RGS3: variants seen among roughly 807,000 people sequenced by gnomAD.
RGS3 encodes the protein regulator of G-protein signalling 3.
RGS3 carries 80 observed loss-of-function variants against 132.6 expected under a neutral mutation model. The observed-to-expected ratio is 0.60, with a 90% CI of 0.50 to 0.73. The LOEUF (loss-of-function observed/expected upper bound fraction) is 0.73. Among genes scored for constraint, RGS3 ranks in the 30% least tolerant of loss-of-function variants. RGS3 has a pLI of 0.00. For synonymous variants in RGS3, 598 were observed against 620.6 expected (o/e 0.96, Z 0.54); for missense variants, 1,382 against 1,530.8 (o/e 0.90, Z 1.62).
Position 113,541,054 on chromosome 9 carries a change from A to C in RGS3, c.2037+4136A>C, listed in dbSNP as rs1832881865. On this transcript the variant is annotated intron_variant, in intron 19 of 24. Coordinates refer to ENST00000350696, the Ensembl canonical transcript of RGS3. ...TCGGAGCACATATGACAACTGCTCC[A>C]TGTCACTTCCTGGTAGACATCTGCC... Among the ~76,000 whole-genome samples, 4 of 152,212 alleles carry C rather than the reference A, an allele frequency of 2.6e-5. No homozygotes were observed. In the South Asian group the frequency reaches 8.3e-4, roughly 31 times the overall value.
At chr9:113,445,712 C>T (rs553286525) in intron 1 of RGS3, among the ~76,000 whole-genome samples, 1 of 152,138 alleles carries the variant, frequency 6.6e-6, no homozygotes, top group Admixed American at 6.5e-5. Context: ...AGACTCTCCC[C>T]CTGTTGCCCA....
intron 7 of RGS3, among the ~76,000 whole-genome samples, chr9:113,493,701 T>A (rs1830593144): frequency 6.6e-6 from 1 of 152,148 alleles, no homozygotes; most frequent in Non-Finnish European, 1.5e-5. Context: ...AGTGGGTGCT[T>A]GGCAGGATAC....
chr9:113,474,596 C>T lies in RGS3; in HGVS notation c.416-4895C>T, dbSNP rs149018865. ...CCTGCGAGGAAGACTTGAGTACAGA[C>T]GTGTCCTCATAAACGGAGGGGAAAT... On this transcript the variant is annotated intron_variant, in intron 3 of 24. Coordinates refer to ENST00000350696, the Ensembl canonical transcript of RGS3. Among the ~76,000 whole-genome samples, 29 of 152,258 alleles carry T rather than the reference C, an allele frequency of 1.9e-4. No individual in the cohort carries two copies. In the East Asian group the frequency reaches 3.1e-3, roughly 16 times the overall value.
chr9:113,512,215 A>G (rs1212897644), intron 14 of RGS3, among the ~76,000 whole-genome samples: 1 of 152,174 alleles, frequency 6.6e-6, no homozygotes, highest in East Asian at 1.9e-4. Flanking sequence ...TATCCAACTC[A>G]AATTCAGTGA....
intron 5 of RGS3, among the ~76,000 whole-genome samples, chr9:113,483,557 A>G (rs1203174048): frequency 6.6e-6 from 1 of 152,134 alleles, no homozygotes; most frequent in Non-Finnish European, 1.5e-5. Flanking sequence ...CAGGGTCCTT[A>G]TAGGGGTGGG....
At chr9:113,483,995 G>C (rs1235561157) in intron 5 of RGS3, 143 bp from the exon 4 acceptor site, 1 of 523,736 alleles carries the variant, frequency 1.9e-6, no homozygotes, top group African/African-American at 1.9e-5. Flanking sequence ...TGCAGCATCT[G>C]ACAGGGGACT....
chr9:113,484,762 T>G (rs1215385374), intron 6 of RGS3, among the ~76,000 whole-genome samples: 3 of 152,186 alleles, frequency 2.0e-5, no homozygotes, highest in Non-Finnish European at 4.4e-5. Flanking sequence ...TATTATTTCT[T>G]TCCCCAATCT....
At chr9:113,478,284 GTTTCCTC>G (rs1414803866) in intron 3 of RGS3, among the ~76,000 whole-genome samples, 1 of 150,542 alleles carries the variant, frequency 6.6e-6, no homozygotes, top group Non-Finnish European at 1.5e-5. Flanking sequence ...TTCTTCCTTT[GTTTCCTC>G]TTTCCTTTCT....
chr9:113,501,633 G>T, intron 10 of RGS3: 1 of 1,561,978 alleles, frequency 6.4e-7, no homozygotes. Flanking sequence ...ACCGCCAGGT[G>T]GGTGCTTGGC....
At chr9:113,453,339 C>T (rs1341641014) in intron 1 of RGS3, among the ~76,000 whole-genome samples, 2 of 76,944 alleles carry the variant, frequency 2.6e-5, no homozygotes, top group African/African-American at 1.0e-4. Context: ...TATATGATTA[C>T]ATAATATACT....
intron 19 of RGS3, among the ~76,000 whole-genome samples, chr9:113,567,465 G>A (rs1392868514): frequency 6.6e-6 from 1 of 152,196 alleles, no homozygotes; most frequent in East Asian, 1.9e-4. Flanking sequence ...TTTTCTTTGA[G>A]GACAAACAGT....
At chr9:113,545,399 A>G (rs563902528) in intron 19 of RGS3, among the ~76,000 whole-genome samples, 1 of 152,334 alleles carries the variant, frequency 6.6e-6, no homozygotes, top group East Asian at 1.9e-4. Flanking sequence ...AAGGGGAATC[A>G]AATGGATCTG....
At chr9:113,529,413 T>C (rs1832369361) in intron 18 of RGS3, 149 bp downstream of exon 16, 1 of 696,052 alleles carries the variant, frequency 1.4e-6, no homozygotes, top group Non-Finnish European at 2.5e-6. Context: ...TAGCGGTTTT[T>C]TGCTAGGTAG....
intron 21 of RGS3, 102 bp from the exon 20 acceptor site, chr9:113,594,328 A>G (rs1460259228): frequency 6.3e-7 from 1 of 1,591,418 alleles, no homozygotes; most frequent in African/African-American, 1.3e-5. Context: ...GAGGCGACAC[A>G]CGATGAAGGA....
intron 17 of RGS3, among the ~76,000 whole-genome samples, chr9:113,523,458 A>G (rs1428224541): frequency 6.6e-6 from 1 of 152,180 alleles, no homozygotes; most frequent in Non-Finnish European, 1.5e-5. Context: ...AAGCTAGGTC[A>G]TAAATGCAAA....
chr9:113,487,884 G>A (rs563188855), intron 7 of RGS3, among the ~76,000 whole-genome samples: 2 of 152,284 alleles, frequency 1.3e-5, no homozygotes, highest in African/African-American at 4.8e-5. Context: ...AGATTCTTAG[G>A]TGCCGCGTCA....
chr9:113,506,402 C>T lies in RGS3; in HGVS notation c.994C>T (p.Arg332Trp), dbSNP rs1046108056. The change falls in exon 12 of 25, where the codon CGG (arginine) becomes TGG (tryptophan). Residue 332 changes from arginine to tryptophan, a missense_variant. Physicochemically the swap from Arg to Trp is moderately radical, Grantham distance 101. Transcript: ENST00000350696. The surrounding 1 kb of genome is among the most constrained non-coding windows in gnomAD (Gnocchi z 4.7). ...TGTCCCTGCAGGGGGTCCGGCGGAA[C>T]GGGCAGGGCTGCAGCAGCTGGACAC... is the stretch of plus-strand genomic sequence containing the variant. 18 of 1,589,782 alleles carry T rather than the reference C, an allele frequency of 1.1e-5. No individual in the cohort carries two copies. Among genetic ancestry groups the T allele is most frequent in the South Asian group, 5.8e-5 (5 of 86,668 alleles).
At chr9:113,580,383 G>A (rs562551099) in intron 19 of RGS3, among the ~76,000 whole-genome samples, 1 of 152,340 alleles carries the variant, frequency 6.6e-6, no homozygotes, top group Admixed American at 6.5e-5. Flanking sequence ...TGGGACCCCA[G>A]GTTTCTTATC....
At chr9:113,462,952 G>A (rs1232423728) in intron 3 of RGS3, among the ~76,000 whole-genome samples, 3 of 152,216 alleles carry the variant, frequency 2.0e-5, no homozygotes, top group Non-Finnish European at 4.4e-5. Flanking sequence ...GTGTGAAACT[G>A]CTACGAGGAG....
Sources: allele counts gnomAD v4.1 joint callset (sites outside exome capture counted in the v4.1 genomes callset), GRCh38; gene constraint gnomAD v4.1.1; non-coding constraint Gnocchi (gnomAD v3.1); transcripts MANE v1.5; gene names NCBI Gene and HGNC (gene_info 2026-07-23, HGNC 2026-07-21).